DROSHA: variants seen among roughly 807,000 people sequenced by gnomAD.
The protein encoded by DROSHA is drosha ribonuclease III.
In DROSHA, 56 loss-of-function variants were observed where a neutral mutation model predicts 181.9. The ratio of observed to expected loss-of-function variants is 0.31; its 90% confidence interval spans 0.25 to 0.38. The LOEUF is 0.38. Ranked by LOEUF, DROSHA falls within the 10% of genes least tolerant of loss-of-function variation. DROSHA has a pLI of 1.00. For synonymous variants in DROSHA, 524 were observed against 591.2 expected, an observed-to-expected ratio of 0.89 and a Z score of 1.65; for missense variants, 1,218 against 1,743.5, an observed-to-expected ratio of 0.70 and a Z score of 5.37.
At chr5:31,460,235 A>G (rs1208520115) in intron 20 of DROSHA, among the ~76,000 whole-genome samples, 8 of 152,184 alleles carry the variant, frequency 5.3e-5, no homozygotes, top group Non-Finnish European at 1.2e-4. Context: ...AATTCACTCT[A>G]ACAAGCAGCA....
intron 13 of DROSHA, among the ~76,000 whole-genome samples, chr5:31,492,524 G>A (rs1291827191): frequency 6.6e-6 from 1 of 152,228 alleles, no homozygotes; most frequent in Non-Finnish European, 1.5e-5. Flanking sequence ...TTCTACAACA[G>A]CATCTGTACT....
chr5:31,514,958 T>A lies in DROSHA; in HGVS notation c.1290+30A>T. 1.9e-6 allele frequency: 3 copies of A among 1,604,840 alleles called. No individual in the cohort carries two copies. Among genetic ancestry groups the A allele is most frequent in the Non-Finnish European group, 2.6e-6 (3 of 1,173,580 alleles). ...TAGTGACAACGCCGAGAAGCCCTAG[T>A]CTACAGCTTGTCTGCTACTTCAGAC... On this transcript the variant is annotated intron_variant, in intron 8 of 35. Transcript: ENST00000344624. The surrounding 1 kb of genome is among the most constrained non-coding windows in gnomAD (Gnocchi z 4.4).
intron 11 of DROSHA, among the ~76,000 whole-genome samples, chr5:31,497,006 G>A (rs1753059867): frequency 6.6e-6 from 1 of 152,230 alleles, no homozygotes; most frequent in Non-Finnish European, 1.5e-5. Context: ...TGACCCAGGT[G>A]GTGACTGGTA....
At chr5:31,453,116 C>T (rs934720417) in intron 20 of DROSHA, among the ~76,000 whole-genome samples, 1 of 152,182 alleles carries the variant, frequency 6.6e-6, no homozygotes, top group African/African-American at 2.4e-5. Flanking sequence ...GAATTGTTTA[C>T]TTTTTTAATA....
intron 9 of DROSHA, among the ~76,000 whole-genome samples, chr5:31,509,260 T>C (rs1246638158): frequency 2.0e-5 from 3 of 151,902 alleles, no homozygotes; most frequent in Non-Finnish European, 4.4e-5. Flanking sequence ...AAAAAAAATA[T>C]AGCCCATAAT....
At chr5:31,506,346 G>C (rs1458435546) in intron 10 of DROSHA, among the ~76,000 whole-genome samples, 3 of 145,414 alleles carry the variant, frequency 2.1e-5, no homozygotes, top group African/African-American at 5.0e-5. Flanking sequence ...CTGGGCGACA[G>C]AGTGAGACCC....
intron 11 of DROSHA, among the ~76,000 whole-genome samples, chr5:31,497,789 G>C (rs574230720): frequency 5.6e-4 from 85 of 152,292 alleles, no homozygotes; most frequent in African/African-American, 1.9e-3. Context: ...TAATTAACCA[G>C]CTCTTTCAGG....
intron 27 of DROSHA, among the ~76,000 whole-genome samples, chr5:31,424,969 T>C (rs1178619150): frequency 6.6e-6 from 1 of 152,182 alleles, no homozygotes; most frequent in Non-Finnish European, 1.5e-5. Context: ...GCTTTTACAG[T>C]GGGTCATTAC....
chr5:31,478,726 C>G (rs1020095043), intron 16 of DROSHA, among the ~76,000 whole-genome samples: 2 of 152,074 alleles, frequency 1.3e-5, no homozygotes, highest in African/African-American at 4.8e-5. Flanking sequence ...AAGAGTGAGA[C>G]TCTGTCTCAA....
At chr5:31,402,859 C>T (rs1169051587) in intron 35 of DROSHA, among the ~76,000 whole-genome samples, 1 of 152,206 alleles carries the variant, frequency 6.6e-6, no homozygotes, top group Non-Finnish European at 1.5e-5. Context: ...CCTCAGCTCA[C>T]TGCAGCCTCC....
intron 30 of DROSHA, among the ~76,000 whole-genome samples, chr5:31,415,573 C>T (rs1205494920): frequency 6.6e-6 from 1 of 152,196 alleles, no homozygotes; most frequent in African/African-American, 2.4e-5. Flanking sequence ...GATTAGATCA[C>T]TGGTTCTTGA....
At chr5:31,506,222 C>T (rs867791214) in intron 10 of DROSHA, among the ~76,000 whole-genome samples, 3 of 152,006 alleles carry the variant, frequency 2.0e-5, no homozygotes, top group East Asian at 3.9e-4. Flanking sequence ...ATTAACTGGG[C>T]ATGGTGGTGG....
chr5:31,493,937 T>TTGTGTGTGTGTGTGTGTGTGTG (rs67311624), intron 12 of DROSHA, among the ~76,000 whole-genome samples: 3 of 144,718 alleles, frequency 2.1e-5, no homozygotes, highest in African/African-American at 7.9e-5. Context: ...TAACCCACCA[T>TTGTGTGTGTGTGTGTGTGTGTG]TGTGTGTGTG....
intron 16 of DROSHA, among the ~76,000 whole-genome samples, chr5:31,481,116 A>G (rs1403851466): frequency 6.6e-6 from 1 of 152,152 alleles, no homozygotes; most frequent in Admixed American, 6.5e-5. Flanking sequence ...TTAATTCACC[A>G]TTTTCTAAAA....
chr5:31,492,281 A>G (rs11748548), intron 13 of DROSHA, among the ~76,000 whole-genome samples: 141,957 of 152,056 alleles, frequency 0.93, 66,509 homozygotes, highest in Non-Finnish European at 0.98. Context: ...AATTAGCATC[A>G]CTGCTATGGA....
chr5:31,480,675 A>T (rs1266456407), intron 16 of DROSHA, among the ~76,000 whole-genome samples: 1 of 152,212 alleles, frequency 6.6e-6, no homozygotes, highest in Non-Finnish European at 1.5e-5. Flanking sequence ...AGTAACCAAA[A>T]ACATGAATAC....
chr5:31,491,249 AAG>A (rs927338714), intron 13 of DROSHA, among the ~76,000 whole-genome samples: 3 of 152,016 alleles, frequency 2.0e-5, no homozygotes, highest in African/African-American at 7.2e-5. Context: ...ATCCTTTCCA[AAG>A]AGAGAGGTGC....
At chr5:31,425,262 A>ACACTTGTAC (rs1743328025) in intron 27 of DROSHA, among the ~76,000 whole-genome samples, 1 of 152,220 alleles carries the variant, frequency 6.6e-6, no homozygotes, top group South Asian at 2.1e-4. Context: ...CACTTGTAAC[A>ACACTTGTAC]CACAGGGTAA....
chr5:31,449,271 C>G lies in DROSHA; in HGVS notation c.2821+10G>C. The G allele has an allele frequency of 6.2e-7, 1 of 1,613,350 alleles. No homozygotes were observed. Among genetic ancestry groups the G allele is most frequent in the Middle Eastern group, 1.7e-4 (1 of 6,060 alleles). On this transcript the variant is annotated intron_variant, in intron 22 of 35. Coordinates refer to ENST00000344624, the MANE Select transcript of DROSHA (RefSeq NM_001382508.1). ...TAGGAGATTCACATCTTAAAATCAT[C>G]CAGACATACCTTTCTTCCGCATGTG...
Sources: allele counts gnomAD v4.1 joint callset (sites outside exome capture counted in the v4.1 genomes callset), GRCh38; gene constraint gnomAD v4.1.1; non-coding constraint Gnocchi (gnomAD v3.1); transcripts MANE v1.5; gene names NCBI Gene and HGNC (gene_info 2026-07-23, HGNC 2026-07-21).